The following CACNA1B variants were observed in gnomAD, a reference collection of about 807,000 sequenced individuals.
CACNA1B encodes the protein voltage-dependent N-type calcium channel subunit alpha-1B.
A neutral mutation model predicts 247.2 loss-of-function variants in CACNA1B; 70 were observed. The ratio of observed to expected loss-of-function variants is 0.28; its 90% CI spans 0.23 to 0.35. The LOEUF (loss-of-function observed/expected upper bound fraction) is 0.35, where lower values mean the gene tolerates loss of function less well. Ranked by LOEUF, CACNA1B falls within the 10% of genes least tolerant of loss-of-function variation. The probability of loss-of-function intolerance (pLI) is 1.00; values close to 1 mark genes in which losing one functional copy is unlikely to be tolerated. For missense variants in CACNA1B, 2,367 were observed against 3,197.4 expected, an observed-to-expected ratio of 0.74 and a Z score of 6.26; for synonymous variants, 1,231 against 1,294.4, an observed-to-expected ratio of 0.95 and a Z score of 1.05.
intron 6 of CACNA1B, among the ~76,000 whole-genome samples, chr9:137,928,742 A>G (rs564106933): frequency 6.6e-6 from 1 of 152,322 alleles, no homozygotes; most frequent in South Asian, 2.1e-4. Context: ...AAGCATTTTC[A>G]TTAACCAAAA....
In CACNA1B at chr9:137,891,446, C is replaced by G. The variant is rs1957097829; in HGVS notation, c.530+8563C>G. On this transcript the variant is annotated intron_variant, in intron 3 of 46. Transcript: ENST00000371372. The surrounding 1 kb of genome is among the most constrained non-coding windows in gnomAD (Gnocchi z 4.3). ...CTGTGTTCCAGTGCCCTGGGGGGTC[C>G]CAGGCCTGTGGCGGCTCGCGAGGAT... The G allele has an allele frequency of 6.4e-6, 1 of 156,848 alleles. No individual in the cohort carries two copies. Among genetic ancestry groups the G allele is most frequent in the Admixed American group, 6.4e-5 (1 of 15,562 alleles). The allele number at this position is 156,848 out of a possible 1,614,324, so 9.7% of individuals were successfully genotyped here. A position where few individuals can be genotyped will look rare whatever the true frequency, so the allele number is the denominator to read the frequency against.
chr9:138,067,982 C>A (rs916914829), intron 31 of CACNA1B, among the ~76,000 whole-genome samples: 2 of 152,210 alleles, frequency 1.3e-5, no homozygotes, highest in Non-Finnish European at 2.9e-5. Context: ...AGTGAAAATA[C>A]GCAAATGATG....
At chr9:138,070,950 A>C (rs1178621151) in intron 32 of CACNA1B, among the ~76,000 whole-genome samples, 4 of 152,232 alleles carry the variant, frequency 2.6e-5, no homozygotes, top group Non-Finnish European at 5.9e-5. Context: ...CGGGGCCCAC[A>C]GATCGGGGTG....
chr9:137,953,847 C>G (rs550933290), intron 7 of CACNA1B, among the ~76,000 whole-genome samples: 1 of 152,152 alleles, frequency 6.6e-6, no homozygotes, highest in South Asian at 2.1e-4. Flanking sequence ...TGGCAGCCAC[C>G]AGGCTTGTGA....
intron 15 of CACNA1B, among the ~76,000 whole-genome samples, chr9:137,991,390 C>A (rs1162741608): frequency 1.3e-5 from 2 of 152,052 alleles, no homozygotes; most frequent in East Asian, 3.9e-4. Flanking sequence ...AGAAGAATTT[C>A]AAAAAATGAA....
chr9:138,023,323 C>G lies in CACNA1B; in HGVS notation c.2580C>G (p.Thr860=). ...ACCGGCACCGCGACAAGGACAAGACCCCCGCGGCGGGGGACCAGGACCGAG... is the reference window on the plus strand; with the variant it reads ...ACCGGCACCGCGACAAGGACAAGACGCCCGCGGCGGGGGACCAGGACCGAG... ...RHHRHRDKDK[T]PAAGDQDRAE... The change falls in exon 19 of 47, where the codon ACC becomes ACG. Residue 860 remains threonine, a synonymous_variant. Coordinates refer to ENST00000371372, the MANE Select transcript of CACNA1B (RefSeq NM_000718.4). The G allele has an allele frequency of 1.3e-6, 2 of 1,508,636 alleles. No homozygotes were observed. The highest frequency in any genetic ancestry group is 2.5e-5 in the South Asian group (2 of 81,190). The allele number at this position is 1,508,636 out of a possible 1,614,324, so 93.5% of individuals were successfully genotyped here. A position where few individuals can be genotyped will look rare whatever the true frequency, so the allele number is the denominator to read the frequency against.
At chr9:138,114,269 T>G in intron 40 of CACNA1B, 109 bp from the exon 41 acceptor site, 1 of 643,604 alleles carries the variant, frequency 1.6e-6, no homozygotes, top group Non-Finnish European at 2.8e-6. Flanking sequence ...CCAGGAGTCT[T>G]TGTGGGGGGC....
rs1243684426 is a variant in CACNA1B at position 138,100,598 on chromosome 9, T to C, written c.5223-2113T>C. On this transcript the variant is annotated intron_variant, in intron 37 of 46. Coordinates refer to ENST00000371372, the MANE Select transcript of CACNA1B (RefSeq NM_000718.4). The surrounding 1 kb of genome is among the most constrained non-coding windows in gnomAD (Gnocchi z 4.6). ...CTGTAGGAGAGAGGAGCATTGGTGG[T>C]GATCCAAGGATGCCAGCCTACGATG... is the stretch of plus-strand genomic sequence containing the variant. 6.6e-6 allele frequency among the ~76,000 whole-genome samples: 1 copy of C among 152,028 alleles called. No individual in the cohort carries two copies. Among genetic ancestry groups the C allele is most frequent in the East Asian group, 1.9e-4 (1 of 5,172 alleles).
intron 37 of CACNA1B, among the ~76,000 whole-genome samples, chr9:138,099,570 G>A (rs1183214813): frequency 4.0e-5 from 6 of 151,194 alleles, no homozygotes; most frequent in Non-Finnish European, 5.9e-5. Context: ...ACCGTGGTGC[G>A]TATGTGCCTG....
At chr9:137,961,011 G>A (rs1189161970) in intron 10 of CACNA1B, among the ~76,000 whole-genome samples, 2 of 151,968 alleles carry the variant, frequency 1.3e-5, no homozygotes, top group African/African-American at 2.4e-5. Context: ...GTCTTCTTTT[G>A]AGAAGTGTCC....
chr9:138,071,350 CAGTG>C lies in CACNA1B; in HGVS notation c.4674+1590_4674+1593del, dbSNP rs1248522586. 3.9e-5 allele frequency among the ~76,000 whole-genome samples: 6 copies of C among 152,224 alleles called. No homozygotes were observed. The East Asian group carries it at 5.8e-4, about 15-fold the overall frequency. ...GTGGCTGCAACAGAAGCCATGGACTCAGTGAGGTTGGGGCAGGCTGTGTCTGCCT... is the reference window on the plus strand; with the variant it reads ...GTGGCTGCAACAGAAGCCATGGACTCAGGTTGGGGCAGGCTGTGTCTGCCT... On this transcript the variant is annotated intron_variant, in intron 32 of 46. Transcript: ENST00000371372.
chr9:137,896,091 T>C (rs1251238160), intron 3 of CACNA1B, among the ~76,000 whole-genome samples: 4 of 151,972 alleles, frequency 2.6e-5, no homozygotes, highest in Admixed American at 2.0e-4. Flanking sequence ...TACAAAAAGT[T>C]AGCCGGGTGT....
At position 138,074,019 on chromosome 9, in the gene CACNA1B, C is replaced by T; in HGVS notation, c.4810C>T (p.Leu1604=). 1.9e-6 allele frequency: 3 copies of T among 1,612,520 alleles called. No homozygotes were observed. The highest frequency in any genetic ancestry group is 2.5e-6 in the Non-Finnish European group (3 of 1,179,804). ...TCCGCAGGCCCTGCCCTACGTGTGT[C>T]TGCTCATTGCCATGCTGTTCTTCAT... ...QSFKALPYVC[L]LIAMLFFIYA... The change falls in exon 34 of 47, where the codon CTG becomes TTG. Residue 1604 remains leucine (L), a synonymous_variant. Coordinates refer to ENST00000371372, the MANE Select transcript of CACNA1B (RefSeq NM_000718.4).
chr9:138,053,107 C>T (rs1445543450), intron 25 of CACNA1B, among the ~76,000 whole-genome samples: 2 of 152,242 alleles, frequency 1.3e-5, no homozygotes, highest in Non-Finnish European at 2.9e-5. Context: ...CTGGAGCCTA[C>T]TGCTTTATCC....
In CACNA1B at chr9:138,059,765, G is replaced by T. The variant is rs773983410; in HGVS notation, c.4668+28G>T. On this transcript the variant is annotated intron_variant, in intron 31 of 46. Transcript: ENST00000371372. The surrounding 1 kb of genome is among the most constrained non-coding windows in gnomAD (Gnocchi z 4.2). ...AAGTAGCATTTCTGTCCCTCCTTCA[G>T]GGTCCCCAGGTGGTTTCCTTCTAGA... 3.7e-6 allele frequency: 5 copies of T among 1,357,222 alleles called. No homozygotes were observed. The East Asian group carries it at 6.9e-5, about 19-fold the overall frequency. The allele number at this position is 1,357,222 out of a possible 1,614,324, so 84.1% of individuals were successfully genotyped here.
chr9:138,068,616 A>C, intron 31 of CACNA1B: 1 of 518,916 alleles, frequency 1.9e-6, no homozygotes. Context: ...TGGAAACAGA[A>C]ATCTTTATTC....
chr9:138,060,997 C>T (rs1482090160), intron 31 of CACNA1B, among the ~76,000 whole-genome samples: 1 of 152,216 alleles, frequency 6.6e-6, no homozygotes, highest in Non-Finnish European at 1.5e-5. Context: ...GACCCAGACC[C>T]TCAGCCCTGC....
chr9:137,878,243 GGGCCGGGCGGGGACCGGGGT>G, intron 1 of CACNA1B, 26 bp downstream of exon 1: 1 of 1,231,834 alleles, frequency 8.1e-7, no homozygotes, highest in Non-Finnish European at 1.0e-6. Flanking sequence ...GGGCCGGGCG[GGGCCGGGCGGGGACCGGGGT>G]GGGGGCCGGG....
At position 138,121,339 on chromosome 9, in the gene CACNA1B, C is replaced by T. The variant is rs1036915289; in HGVS notation, c.6490-130C>T. ...TGTTGCCTCCCTGGTCACCGCAGCCCGTTGTCCCCCATTGCCTCCCTCTCT... is the reference window on the plus strand; with the variant it reads ...TGTTGCCTCCCTGGTCACCGCAGCCTGTTGTCCCCCATTGCCTCCCTCTCT... On this transcript the variant is annotated intron_variant, in intron 46 of 46. Coordinates refer to ENST00000371372, the MANE Select transcript of CACNA1B (RefSeq NM_000718.4). This position sits in a 1 kb window ranked among gnomAD's most constrained non-coding sequence, Gnocchi z 6.8. The T allele has an allele frequency of 3.2e-4, 214 of 675,976 alleles. 2 individuals are homozygous for T. The highest frequency in any genetic ancestry group is 5.6e-4 in the Admixed American group (17 of 30,260). The allele number at this position is 675,976 out of a possible 1,614,324, so 41.9% of individuals were successfully genotyped here. A position where few individuals can be genotyped will look rare whatever the true frequency, so the allele number is the denominator to read the frequency against.
Sources: allele counts gnomAD v4.1 joint callset (sites outside exome capture counted in the v4.1 genomes callset), GRCh38; gene constraint gnomAD v4.1.1; non-coding constraint Gnocchi (gnomAD v3.1); transcripts MANE v1.5; gene names NCBI Gene and HGNC (gene_info 2026-07-23, HGNC 2026-07-21).